Variants in ADIPOR2 observed in about 807,000 individuals in gnomAD.
ADIPOR2 encodes the protein adiponectin receptor 2.
ADIPOR2 carries 18 observed loss-of-function variants against 40.9 expected under a neutral mutation model. The observed-to-expected ratio is 0.44, with a 90% CI of 0.30 to 0.65. The LOEUF (loss-of-function observed/expected upper bound fraction) is 0.65. Among genes scored for constraint, ADIPOR2 ranks in the 30% least tolerant of loss-of-function variants. The pLI, the probability that ADIPOR2 is intolerant of heterozygous loss-of-function variation, is 0.09. For synonymous variants in ADIPOR2, 165 were observed against 166.4 expected, an observed-to-expected ratio of 0.99 and a Z score of 0.06; for missense variants, 283 against 479.2, an observed-to-expected ratio of 0.59 and a Z score of 3.82.
intron 2 of ADIPOR2, chr12:1,758,074 C>G (rs1030546635): frequency 3.4e-6 from 2 of 593,590 alleles, no homozygotes; most frequent in African/African-American, 3.7e-5. Flanking sequence ...CACCCAATCA[C>G]TTTTGTGTCA....
At chr12:1,695,250 G>C (rs1330128560) in intron 1 of ADIPOR2, among the ~76,000 whole-genome samples, 1 of 151,998 alleles carries the variant, frequency 6.6e-6, no homozygotes, top group Non-Finnish European at 1.5e-5. Flanking sequence ...AGCTACTTGG[G>C]AGGTTGAGGT....
At chr12:1,708,723 C>G (rs1439187671) in intron 1 of ADIPOR2, among the ~76,000 whole-genome samples, 5 of 142,922 alleles carry the variant, frequency 3.5e-5, no homozygotes, top group Non-Finnish European at 6.2e-5. Flanking sequence ...TATACCTATA[C>G]TTTTTTTTTT....
chr12:1,751,041 A>G (rs1199286699), intron 1 of ADIPOR2, among the ~76,000 whole-genome samples: 1 of 149,326 alleles, frequency 6.7e-6, no homozygotes, highest in Admixed American at 6.7e-5. Context: ...TCTTCAAGGC[A>G]TTGCATGCTA....
chr12:1,769,366 C>T (rs575788755), intron 2 of ADIPOR2, among the ~76,000 whole-genome samples: 2 of 152,204 alleles, frequency 1.3e-5, no homozygotes, highest in Non-Finnish European at 2.9e-5. Context: ...ACCACCCACA[C>T]CACGTGGATA....
intron 1 of ADIPOR2, among the ~76,000 whole-genome samples, chr12:1,753,700 T>C (rs1862051658): frequency 6.6e-6 from 1 of 152,218 alleles, no homozygotes; most frequent in Admixed American, 6.5e-5. Flanking sequence ...CCTTTACCTG[T>C]GAACTAGAAA....
intron 1 of ADIPOR2, among the ~76,000 whole-genome samples, chr12:1,748,624 GT>G (rs912111708): frequency 2.0e-5 from 3 of 148,730 alleles, no homozygotes; most frequent in Non-Finnish European, 4.5e-5. Context: ...ACAGGTTGAA[GT>G]TTTTTTTTTA....
chr12:1,788,541 T>G lies in ADIPOR2; in HGVS notation c.*2469T>G, dbSNP rs901453271. 2.0e-5 allele frequency: 3 copies of G among 152,648 alleles called. No individual in the cohort carries two copies. The highest frequency in any genetic ancestry group is 7.2e-5 in the African/African-American group (3 of 41,452). 9.5% of individuals were successfully genotyped at this position (152,648 alleles called of 1,614,324 possible). A position where few individuals can be genotyped will look rare whatever the true frequency, so the allele number is the denominator to read the frequency against. ...CCCTCTTCCCCTTTATAAATTATGC[T>G]AAAGCCACAAAGCACATTTTTGGGG... On this transcript the variant is annotated 3_prime_UTR_variant, in exon 8 of 8. Transcript: ENST00000357103.
At chr12:1,732,991 T>A (rs559078311) in intron 1 of ADIPOR2, among the ~76,000 whole-genome samples, 5 of 152,306 alleles carry the variant, frequency 3.3e-5, no homozygotes. Context: ...AAGGCCATTT[T>A]AGATAATTCT....
At chr12:1,747,979 G>A (rs1004319748) in intron 1 of ADIPOR2, among the ~76,000 whole-genome samples, 2 of 151,986 alleles carry the variant, frequency 1.3e-5, no homozygotes, top group African/African-American at 4.8e-5. Flanking sequence ...CATTTGTGGA[G>A]TTTTCAGCCA....
At chr12:1,726,220 G>A (rs2094707684) in intron 1 of ADIPOR2, among the ~76,000 whole-genome samples, 1 of 151,868 alleles carries the variant, frequency 6.6e-6, no homozygotes, top group African/African-American at 2.4e-5. Flanking sequence ...TTCTTGAGAC[G>A]GAGTTTCATT....
intron 4 of ADIPOR2, among the ~76,000 whole-genome samples, chr12:1,779,486 A>C (rs117996731): frequency 1.5e-3 from 235 of 152,326 alleles, no homozygotes; most frequent in Non-Finnish European, 2.7e-3. Flanking sequence ...TAAAGACAGT[A>C]GATTAGTGGT....
chr12:1,748,051 A>T (rs988579748), intron 1 of ADIPOR2, among the ~76,000 whole-genome samples: 6 of 151,622 alleles, frequency 4.0e-5, no homozygotes, highest in Admixed American at 1.3e-4. Flanking sequence ...AGAGTACCAA[A>T]CTGTGCCTAT....
At chr12:1,771,923 A>G (rs918021618) in intron 2 of ADIPOR2, among the ~76,000 whole-genome samples, 3 of 152,236 alleles carry the variant, frequency 2.0e-5, no homozygotes, top group African/African-American at 7.2e-5. Flanking sequence ...TTAGAGATGT[A>G]GAAGACTGTA....
chr12:1,692,361 G>A (rs1023465513), intron 1 of ADIPOR2, among the ~76,000 whole-genome samples: 19 of 152,180 alleles, frequency 1.2e-4, no homozygotes, highest in Admixed American at 5.2e-4. Context: ...GTTTTCATCC[G>A]TTCTGATAAA....
At chr12:1,781,930 C>A (rs1565659833) in intron 6 of ADIPOR2, among the ~76,000 whole-genome samples, 2 of 152,202 alleles carry the variant, frequency 1.3e-5, no homozygotes, top group Admixed American at 6.5e-5. Flanking sequence ...GGTCAGCTTT[C>A]AACAGTACTT....
intron 1 of ADIPOR2, among the ~76,000 whole-genome samples, chr12:1,752,268 C>T (rs1273788899): frequency 6.6e-5 from 6 of 90,972 alleles, no homozygotes; most frequent in African/African-American, 2.1e-4. Flanking sequence ...ATGTCTCACT[C>T]TGTTGCCCAG....
chr12:1,780,679 G>A (rs1427319123), intron 5 of ADIPOR2, 42 bp downstream of exon 5: 8 of 1,490,986 alleles, frequency 5.4e-6, no homozygotes, highest in African/African-American at 1.4e-5. Context: ...ATGATTTAGA[G>A]GTAGTGCGTT....
intron 3 of ADIPOR2, among the ~76,000 whole-genome samples, chr12:1,776,364 C>T (rs1441775351): frequency 1.3e-5 from 2 of 152,160 alleles, no homozygotes; most frequent in African/African-American, 4.8e-5. Context: ...TGTCACAAGA[C>T]CCTGTAGTGG....
chr12:1,767,310 T>A (rs1862404254), intron 2 of ADIPOR2, among the ~76,000 whole-genome samples: 4 of 151,196 alleles, frequency 2.6e-5, no homozygotes, highest in Admixed American at 2.0e-4. Context: ...AATTGCTATT[T>A]GAGAATTTTT....
Sources: gnomAD v4.1 joint callset for allele counts (sites outside exome capture counted in the v4.1 genomes callset) on GRCh38, gnomAD v4.1.1 for gene constraint, MANE v1.5 for transcripts, NCBI Gene and HGNC (gene_info 2026-07-23, HGNC 2026-07-21) for gene names.